The following GPATCH2 variants were observed in gnomAD, a reference collection of about 807,000 sequenced individuals.
The protein encoded by GPATCH2 is G patch domain-containing protein 2.
A neutral mutation model predicts 58.0 loss-of-function variants in GPATCH2; 51 were observed. The ratio of observed to expected loss-of-function variants is 0.88; its 90% CI spans 0.70 to 1.11. The LOEUF is 1.11. GPATCH2 is among the 50% of genes most tolerant of loss of function. The pLI is 0.00. For missense variants in GPATCH2, 625 were observed against 652.2 expected, an observed-to-expected ratio of 0.96 and a Z score of 0.45; for synonymous variants, 222 against 218.5, an observed-to-expected ratio of 1.02 and a Z score of -0.14.
chr1:217,620,769 C>T (rs1669146252), intron 1 of GPATCH2, among the ~76,000 whole-genome samples: 1 of 152,114 alleles, frequency 6.6e-6, no homozygotes, highest in African/African-American at 2.4e-5. Context: ...TTATATTTTT[C>T]TGTATAATTA....
At chr1:217,435,789 T>A (rs1200792721) in intron 9 of GPATCH2, among the ~76,000 whole-genome samples, 5 of 152,218 alleles carry the variant, frequency 3.3e-5, no homozygotes, top group Non-Finnish European at 7.3e-5. Flanking sequence ...AAGAACAGCA[T>A]TAAGCACAGT....
At chr1:217,566,787 A>G (rs1666257327) in intron 5 of GPATCH2, among the ~76,000 whole-genome samples, 1 of 152,216 alleles carries the variant, frequency 6.6e-6, no homozygotes, top group Non-Finnish European at 1.5e-5. Context: ...TTGAGATTAC[A>G]TTTTTGAATT....
At chr1:217,537,464 T>C (rs1041106410) in intron 5 of GPATCH2, among the ~76,000 whole-genome samples, 1 of 152,064 alleles carries the variant, frequency 6.6e-6, no homozygotes, top group African/African-American at 2.4e-5. Flanking sequence ...TTATATATTA[T>C]AAAGATTATA....
intron 6 of GPATCH2, among the ~76,000 whole-genome samples, chr1:217,511,929 A>G (rs1252527812): frequency 6.6e-6 from 1 of 152,150 alleles, no homozygotes; most frequent in Non-Finnish European, 1.5e-5. Flanking sequence ...CTCCTTGTCA[A>G]GAGTGGGGTC....
At chr1:217,558,414 G>A (rs146261808) in intron 5 of GPATCH2, among the ~76,000 whole-genome samples, 1 of 152,284 alleles carries the variant, frequency 6.6e-6, no homozygotes, top group Non-Finnish European at 1.5e-5. Flanking sequence ...ATCAAACACG[G>A]AAGGTACAAA....
At chr1:217,474,577 A>G (rs535159121) in intron 8 of GPATCH2, among the ~76,000 whole-genome samples, 9 of 152,358 alleles carry the variant, frequency 5.9e-5, no homozygotes, top group Non-Finnish European at 1.3e-4. Flanking sequence ...GTTGAGGGTG[A>G]GATGTCCTAC....
intron 5 of GPATCH2, among the ~76,000 whole-genome samples, chr1:217,588,942 C>G (rs1042753339): frequency 6.6e-6 from 1 of 152,176 alleles, no homozygotes; most frequent in Non-Finnish European, 1.5e-5. Flanking sequence ...ATGCAGTCAT[C>G]TGCTTACGTG....
At chr1:217,515,795 T>A (rs1663110771) in intron 5 of GPATCH2, among the ~76,000 whole-genome samples, 2 of 107,228 alleles carry the variant, frequency 1.9e-5, no homozygotes, top group South Asian at 3.4e-4. Flanking sequence ...AGTGACTTAT[T>A]ACATAAAAAA....
At chr1:217,560,235 C>T (rs565786374) in intron 5 of GPATCH2, among the ~76,000 whole-genome samples, 53 of 152,294 alleles carry the variant, frequency 3.5e-4, no homozygotes, top group Non-Finnish European at 6.5e-4. Context: ...ACTCCAAGAG[C>T]CTTGCCTACA....
chr1:217,612,480 A>C (rs571275765), intron 3 of GPATCH2, among the ~76,000 whole-genome samples: 1 of 152,304 alleles, frequency 6.6e-6, no homozygotes, highest in South Asian at 2.1e-4. Flanking sequence ...TGGAAAATTA[A>C]AGGCATTTCA....
intron 8 of GPATCH2, among the ~76,000 whole-genome samples, chr1:217,459,563 C>T (rs1264990266): frequency 6.6e-6 from 1 of 152,098 alleles, no homozygotes; most frequent in African/African-American, 2.4e-5. Flanking sequence ...AGAGTTTCAA[C>T]AATTATGCTC....
At chr1:217,519,063 ATAT>A (rs1663322083) in intron 5 of GPATCH2, among the ~76,000 whole-genome samples, 1 of 152,260 alleles carries the variant, frequency 6.6e-6, no homozygotes, top group East Asian at 1.9e-4. Context: ...AAGTAAGATA[ATAT>A]TCTAAATGTT....
At chr1:217,501,415 AG>A (rs555884330) in intron 6 of GPATCH2, among the ~76,000 whole-genome samples, 37 of 152,224 alleles carry the variant, frequency 2.4e-4, no homozygotes, top group Admixed American at 8.5e-4. Context: ...CTTAGTGTAG[AG>A]GTTTTTCTAT....
In GPATCH2 at chr1:217,486,976, A is replaced by T. The variant is rs1193144851; in HGVS notation, c.1277+4704T>A. Reference sequence around the variant, plus strand: ...TGAGTTTATTTCAGAAAACACTTAGACCAGAGGTCTGAGTCTTTGTGTGGG... The same window carrying T: ...TGAGTTTATTTCAGAAAACACTTAGTCCAGAGGTCTGAGTCTTTGTGTGGG... On this transcript the variant is annotated intron_variant, in intron 8 of 9. Transcript: ENST00000366935. Among the ~76,000 whole-genome samples the T allele has an allele frequency of 1.1e-4, 17 of 152,176 alleles. 1 individual carries two copies.
chr1:217,561,161 C>T (rs17722696), intron 5 of GPATCH2, among the ~76,000 whole-genome samples: 4,539 of 152,254 alleles, frequency 0.03, 96 homozygotes, highest in South Asian at 0.042. Flanking sequence ...TGAAATGCTG[C>T]AGTTTTCAAA....
chr1:217,501,496 G>A (rs1325164137), intron 6 of GPATCH2, among the ~76,000 whole-genome samples: 2 of 152,032 alleles, frequency 1.3e-5, no homozygotes, highest in Non-Finnish European at 2.9e-5. Context: ...GTAGTTACAT[G>A]TTTAGTTTCA....
At chr1:217,550,582 C>T (rs1195542293) in intron 5 of GPATCH2, among the ~76,000 whole-genome samples, 1 of 151,598 alleles carries the variant, frequency 6.6e-6, no homozygotes, top group Non-Finnish European at 1.5e-5. Context: ...TTCTTGTTAC[C>T]TAGTTGGTTT....
chr1:217,624,346 C>T lies in GPATCH2; in HGVS notation c.57-3847G>A, dbSNP rs146429357. On this transcript the variant is annotated intron_variant, in intron 1 of 9. Coordinates refer to ENST00000366935, the MANE Select transcript of GPATCH2 (RefSeq NM_018040.5). ...CAGCTTGGCCAACAAGCTGAAACCC[C>T]GTCTCTACTAAATATACAAAAATTA... Among the ~76,000 whole-genome samples, 97 of 152,308 alleles carry T rather than the reference C, an allele frequency of 6.4e-4. 1 individual carries two copies. In the East Asian group the frequency reaches 0.017, roughly 27 times the overall value.
chr1:217,510,070 A>G (rs1662771346), intron 6 of GPATCH2, among the ~76,000 whole-genome samples: 1 of 152,140 alleles, frequency 6.6e-6, no homozygotes, highest in Admixed American at 6.5e-5. Flanking sequence ...TGTTTAAACC[A>G]CTATTTGTAG....
Sources: allele counts gnomAD v4.1 joint callset (sites outside exome capture counted in the v4.1 genomes callset), GRCh38; gene constraint gnomAD v4.1.1; transcripts MANE v1.5; gene names NCBI Gene and HGNC (gene_info 2026-07-23, HGNC 2026-07-21).